HOXB3: variants seen among roughly 807,000 people sequenced by gnomAD.
HOXB3 encodes the protein homeobox B3.
HOXB3 carries 17 observed loss-of-function variants against 29.2 expected under a neutral mutation model. The observed-to-expected ratio is 0.58, with a 90% CI of 0.40 to 0.87. The LOEUF (loss-of-function observed/expected upper bound fraction) is 0.87, where lower values mean the gene tolerates loss of function less well. HOXB3 is among the 40% of genes least tolerant of loss of function. The pLI, the probability that HOXB3 is intolerant of heterozygous loss-of-function variation, is 0.00. For missense variants in HOXB3, 637 were observed against 616.3 expected, an observed-to-expected ratio of 1.03 and a Z score of -0.35; for synonymous variants, 317 against 285.9, an observed-to-expected ratio of 1.11 and a Z score of -1.10.
chr17:48,575,547 T>G (rs959354745), intron 1 of HOXB3: 4 of 152,424 alleles, frequency 2.6e-5, no homozygotes, highest in African/African-American at 9.7e-5. Flanking sequence ...CTATTGTCAC[T>G]CTGTACAGCA....
intron 1 of HOXB3, chr17:48,578,939 G>A (rs1338286284): frequency 1.3e-5 from 2 of 152,436 alleles, no homozygotes. Context: ...GCAGCTGGAT[G>A]GGGAAGGGTA....
At chr17:48,558,151 A>G (rs1004054517) in intron 2 of HOXB3, among the ~76,000 whole-genome samples, 21 of 152,144 alleles carry the variant, frequency 1.4e-4, no homozygotes, top group African/African-American at 5.1e-4. Context: ...GGAGAACCTG[A>G]TCGCTTTTGG....
Position 48,554,795 on chromosome 17 carries a change from T to C in HOXB3, c.-159+736A>G. The C allele has an allele frequency of 1.4e-6, 1 of 702,316 alleles. No homozygotes were observed. Among genetic ancestry groups the C allele is most frequent in the Non-Finnish European group, 2.6e-6 (1 of 384,806 alleles). The allele number at this position is 702,316 out of a possible 1,614,324, so 43.5% of individuals were successfully genotyped here. A position where few individuals can be genotyped will look rare whatever the true frequency, so the allele number is the denominator to read the frequency against. ...TTAAAAGGCGCCTTAGAAACTCCGC[T>C]TCGGGACTTTGCTCAGCAGGGCTCC... On this transcript the variant is annotated intron_variant, in intron 3 of 4. Coordinates refer to ENST00000498678, the MANE Select transcript of HOXB3 (RefSeq NM_001384749.1). This position sits in a 1 kb window ranked among gnomAD's most constrained non-coding sequence, Gnocchi z 4.1.
intron 1 of HOXB3, among the ~76,000 whole-genome samples, chr17:48,584,905 A>T (rs1256259069): frequency 6.7e-6 from 1 of 150,044 alleles, no homozygotes. Context: ...ACACACATAC[A>T]GCCCCCTCCC....
chr17:48,552,455 T>C lies in HOXB3; in HGVS notation c.20A>G (p.Tyr7Cys). Reference sequence around the variant, plus strand: ...GAAGAGAGCAGCCGCGGCGTTGTCGTAGTAGGTGGCTTTCTGCATCGCTGG... The same window carrying C: ...GAAGAGAGCAGCCGCGGCGTTGTCGCAGTAGGTGGCTTTCTGCATCGCTGG... Reference protein sequence around the residue: MQKATYYDNAAAALFGG... With the variant: MQKATYCDNAAAALFGG... Residue 7 changes from tyrosine (Y) to cysteine (C), a missense_variant, in exon 4 of 5, where the codon TAC becomes TGC. Transcript: ENST00000498678. The C allele has an allele frequency of 6.4e-7, 1 of 1,572,752 alleles. No individual in the cohort carries two copies. Among genetic ancestry groups the C allele is most frequent in the East Asian group, 2.3e-5 (1 of 44,440 alleles).
intron 1 of HOXB3, among the ~76,000 whole-genome samples, chr17:48,587,984 C>A (rs923247966): frequency 7.9e-5 from 12 of 152,182 alleles, no homozygotes; most frequent in African/African-American, 2.7e-4. Context: ...GAGGTTGAAG[C>A]CTGGACTGGC....
chr17:48,574,407 G>A (rs142229665), intron 1 of HOXB3: 108 of 152,698 alleles, frequency 7.1e-4, no homozygotes, highest in Non-Finnish European at 1.3e-3. Context: ...GCTCTTTTGC[G>A]GCTGGGGACA....
intron 2 of HOXB3, among the ~76,000 whole-genome samples, chr17:48,572,442 C>T (rs1197734525): frequency 6.6e-6 from 1 of 152,220 alleles, no homozygotes; most frequent in Non-Finnish European, 1.5e-5. Flanking sequence ...AGCCCTTTCT[C>T]TCCTCGCAGC....
intron 2 of HOXB3, among the ~76,000 whole-genome samples, chr17:48,556,142 G>GT (rs1220698944): frequency 1.9e-5 from 2 of 106,784 alleles, no homozygotes; most frequent in South Asian, 5.7e-4. Flanking sequence ...AAAGAAGGAG[G>GT]GTTTTTTTTT....
At position 48,550,772 on chromosome 17, in the gene HOXB3, G is replaced by A. The variant is rs1457464334; in HGVS notation, c.858C>T (p.Tyr286=). Residue 286 remains tyrosine, a synonymous_variant, in exon 5 of 5, where the codon TAC becomes TAT. Transcript: ENST00000498678. ...CGAAGGCGGGTGGGGACGGGCTCTC[G>A]TAGCTGGGGGTCATGGAGTGTAAGG... The part of the protein sequence containing the change: ...MNALHSMTPS[Y]ESPSPPAFGK... The A allele has an allele frequency of 1.9e-6, 3 of 1,603,562 alleles. No individual in the cohort carries two copies. Among genetic ancestry groups the A allele is most frequent in the South Asian group, 2.2e-5 (2 of 90,498 alleles).
intron 1 of HOXB3, among the ~76,000 whole-genome samples, chr17:48,588,431 C>A (rs1040976389): frequency 6.6e-6 from 1 of 152,200 alleles, no homozygotes; most frequent in African/African-American, 2.4e-5. Context: ...CAGGAGCAGG[C>A]CTTACTATCT....
At chr17:48,576,729 G>T (rs776142392) in intron 1 of HOXB3, 1 of 1,518,056 alleles carries the variant, frequency 6.6e-7, no homozygotes, top group Non-Finnish European at 8.9e-7. Flanking sequence ...GCACTAGAGC[G>T]CGCGGGGGCC....
At position 48,550,849 on chromosome 17, in the gene HOXB3, G is replaced by C. The variant is rs1407763338; in HGVS notation, c.781C>G (p.Pro261Ala). 6.2e-7 allele frequency: 1 copy of C among 1,613,948 alleles called. No individual in the cohort carries two copies. The highest frequency in any genetic ancestry group is 1.7e-5 in the Admixed American group (1 of 60,010). ...ATGGGCTGCGGGGGGCTGCCGGCTGGAGATGGGCCCCCCGACGACGAGGCC... is the reference window on the plus strand; with the variant it reads ...ATGGGCTGCGGGGGGCTGCCGGCTGCAGATGGGCCCCCCGACGACGAGGCC... ...GLASSSGGPSPAGSPPQPMQS... is the reference protein window; with the variant it reads ...GLASSSGGPSAAGSPPQPMQS... Residue 261 changes from proline to alanine, a missense_variant, in exon 5 of 5, where the codon CCA becomes GCA. Coordinates refer to ENST00000498678, the MANE Select transcript of HOXB3 (RefSeq NM_001384749.1).
chr17:48,554,882 G>T lies in HOXB3; in HGVS notation c.-159+649C>A. On this transcript the variant is annotated intron_variant, in intron 3 of 4. Transcript: ENST00000498678. The surrounding 1 kb of genome is among the most constrained non-coding windows in gnomAD (Gnocchi z 4.1). Reference sequence around the variant, plus strand: ...TGGGAAGAGAGAAAGGTGCTAAGGGGACCCAAGATCTGGGATCCAGAACAA... The same window carrying T: ...TGGGAAGAGAGAAAGGTGCTAAGGGTACCCAAGATCTGGGATCCAGAACAA... 1.4e-6 allele frequency: 1 copy of T among 697,038 alleles called. No homozygotes were observed. Among genetic ancestry groups the T allele is most frequent in the South Asian group, 1.5e-5 (1 of 67,364 alleles). The allele number at this position is 697,038 out of a possible 1,614,324, so 43.2% of individuals were successfully genotyped here.
At chr17:48,589,943 G>C (rs994052560) in intron 1 of HOXB3, among the ~76,000 whole-genome samples, 182 bp downstream of exon 1, 1 of 152,028 alleles carries the variant, frequency 6.6e-6, no homozygotes, top group Non-Finnish European at 1.5e-5. Flanking sequence ...ACCCCCGACC[G>C]ATGAGGCCTT....
chr17:48,568,032 G>A (rs35825473), intron 2 of HOXB3, among the ~76,000 whole-genome samples: 22,553 of 152,036 alleles, frequency 0.15, 1,905 homozygotes, highest in Non-Finnish European at 0.19. Flanking sequence ...ATAATGTAAC[G>A]GAACCCCTCC....
intron 4 of HOXB3, 49 bp downstream of exon 4, chr17:48,551,977 AT>A: frequency 6.6e-7 from 1 of 1,504,788 alleles, no homozygotes; most frequent in Non-Finnish European, 9.0e-7. Context: ...TAACAGTGAC[AT>A]TCCTGGCTCC....
In HOXB3 at chr17:48,554,908, G is replaced by A. The variant is rs372736756; in HGVS notation, c.-159+623C>T. ...ACCCAAGATCTGGGATCCAGAACAA[G>A]AGGGGGTGGGGAACAACTCTACCAA... is the stretch of plus-strand genomic sequence containing the variant. On this transcript the variant is annotated intron_variant, in intron 3 of 4. Transcript: ENST00000498678. The surrounding 1 kb of genome is among the most constrained non-coding windows in gnomAD (Gnocchi z 4.1). 1.4e-6 allele frequency: 1 copy of A among 689,952 alleles called. No individual in the cohort carries two copies. The highest frequency in any genetic ancestry group is 2.6e-6 in the Non-Finnish European group (1 of 377,570). 42.7% of individuals were successfully genotyped at this position (689,952 alleles called of 1,614,324 possible).
Position 48,552,194 on chromosome 17 carries a change from G to A in HOXB3, c.281C>T (p.Ala94Val). 6.2e-7 allele frequency: 1 copy of A among 1,613,568 alleles called. No individual in the cohort carries two copies. The highest frequency in any genetic ancestry group is 8.5e-7 in the Non-Finnish European group (1 of 1,179,808). The change falls in exon 4 of 5, where the codon GCC becomes GTC. Residue 94 changes from alanine to valine, a missense_variant. Transcript: ENST00000498678. ...SAPPGSPPPS[A>V]APTSATSNSS... Reference sequence around the variant, plus strand: ...GTTGCTAGTGGCACTGGTAGGTGCGGCACTGGGCGGGGGTGAGCCAGGCGG... The same window carrying A: ...GTTGCTAGTGGCACTGGTAGGTGCGACACTGGGCGGGGGTGAGCCAGGCGG...
Sources: gnomAD v4.1 joint callset for allele counts (sites outside exome capture counted in the v4.1 genomes callset) on GRCh38, gnomAD v4.1.1 for gene constraint, Gnocchi (gnomAD v3.1) non-coding constraint, MANE v1.5 for transcripts, NCBI Gene and HGNC (gene_info 2026-07-23, HGNC 2026-07-21) for gene names.